RC3H2: variants seen among roughly 807,000 people sequenced by gnomAD.
RC3H2 encodes the protein roquin-2.
Under a neutral mutation model 133.3 loss-of-function variants are expected in RC3H2, and 31 were observed. The observed-to-expected ratio is 0.23, with a 90% CI of 0.17 to 0.31. RC3H2 has a LOEUF of 0.31. Ranked by LOEUF, RC3H2 falls within the 10% of genes least tolerant of loss-of-function variation. The pLI is 1.00. For missense variants in RC3H2, 1,175 were observed against 1,437.2 expected, an observed-to-expected ratio of 0.82 and a Z score of 2.95; for synonymous variants, 517 against 502.2, an observed-to-expected ratio of 1.03 and a Z score of -0.40.
chr9:122,905,268 C>G lies in RC3H2; in HGVS notation c.-226G>C. The G allele has an allele frequency of 1.0e-6, 1 of 985,852 alleles. No individual in the cohort carries two copies. Among genetic ancestry groups the G allele is most frequent in the Non-Finnish European group, 1.2e-6 (1 of 830,214 alleles). 61.1% of individuals were successfully genotyped at this position (985,852 alleles called of 1,614,324 possible). A position where few individuals can be genotyped will look rare whatever the true frequency, so the allele number is the denominator to read the frequency against. On this transcript the variant is annotated 5_prime_UTR_variant, in exon 1 of 21. Transcript: ENST00000357244. ...GCTACAGGGACAGCCCCGTTGGCGG[C>G]GGCGAAGGCCGCGACGGGGCCTCCT...
chr9:122,886,461 T>C lies in RC3H2; in HGVS notation c.584-3082A>G, dbSNP rs547972641. On this transcript the variant is annotated intron_variant, in intron 4 of 20. Transcript: ENST00000357244. ...GGGTCATATGGTAATTGTTTAACTTTTTAAGGAACTGACAAATTGTTTTCC... is the reference window on the plus strand; with the variant it reads ...GGGTCATATGGTAATTGTTTAACTTCTTAAGGAACTGACAAATTGTTTTCC... 1.9e-4 allele frequency among the ~76,000 whole-genome samples: 29 copies of C among 152,348 alleles called. No individual in the cohort carries two copies. The South Asian group carries it at 5.6e-3, about 29-fold the overall frequency.
intron 18 of RC3H2, chr9:122,853,679 G>T: frequency 1.4e-6 from 1 of 738,960 alleles, no homozygotes; most frequent in Non-Finnish European, 2.1e-6. Context: ...TTGAACCTGA[G>T]AGCCAGAGGC....
intron 4 of RC3H2, among the ~76,000 whole-genome samples, chr9:122,883,960 T>A (rs2131469065): frequency 6.6e-6 from 1 of 152,268 alleles, no homozygotes; most frequent in East Asian, 1.9e-4. Flanking sequence ...ATCACTGCAC[T>A]CCAGCCTGGG....
rs1262319009 is a variant in RC3H2 at position 122,883,079 on chromosome 9, G to T, written c.759+125C>A. The T allele has an allele frequency of 3.5e-6, 3 of 860,010 alleles. No individual in the cohort carries two copies. In the Admixed American group the frequency reaches 8.5e-5, roughly 24 times the overall value. The allele number at this position is 860,010 out of a possible 1,614,324, so 53.3% of individuals were successfully genotyped here. On this transcript the variant is annotated intron_variant, in intron 5 of 20. Transcript: ENST00000357244. ...ATCACAGATGCAATCAATGCAGAAG[G>T]AAAGTTTCCTCTCAACTCTTGTAAG... is the stretch of plus-strand genomic sequence containing the variant.
rs1437653350 is a variant in RC3H2 at position 122,858,835 on chromosome 9, T to C, written c.2117A>G (p.Tyr706Cys). ...DSRRIWRPPMYQRDDIIRSNS... is the reference protein window; with the variant it reads ...DSRRIWRPPMCQRDDIIRSNS... ...GCTTCTAATAATGTCATCTCGTTGG[T>C]ACATAGGTGGGCGCCAGATGCGCCT... Residue 706 changes from tyrosine (Y) to cysteine (C), a missense_variant, in exon 12 of 21, where the codon TAC (tyrosine) becomes TGC (cysteine). This residue lies in a region of RC3H2 where 490 missense variants were observed against 492.8 expected (regional missense o/e 0.99). Transcript: ENST00000357244. 1 of 1,614,156 alleles carries C rather than the reference T, an allele frequency of 6.2e-7. No homozygotes were observed. Among genetic ancestry groups the C allele is most frequent in the Non-Finnish European group, 8.5e-7 (1 of 1,180,056 alleles).
chr9:122,850,012 C>T lies in RC3H2; in HGVS notation c.3381-190G>A, dbSNP rs1244834962. Among the ~76,000 whole-genome samples the T allele has an allele frequency of 2.0e-5, 3 of 152,106 alleles. 1 individual carries two copies. The highest frequency in any genetic ancestry group is 4.4e-5 in the Non-Finnish European group (3 of 68,022). On this transcript the variant is annotated intron_variant, in intron 20 of 20. Coordinates refer to ENST00000357244, the MANE Select transcript of RC3H2 (RefSeq NM_001100588.3). ...CTATTTTTGAGACAGAGTCTCCCTC[C>T]GTCGCCCAGGCTGGAGTGCAGTGGC...
In RC3H2 at chr9:122,859,994, G is replaced by A. The variant is rs368437387; in HGVS notation, c.1772C>T (p.Pro591Leu). 2.5e-5 allele frequency: 40 copies of A among 1,613,910 alleles called. No homozygotes were observed. The highest frequency in any genetic ancestry group is 6.7e-5 in the African/African-American group (5 of 74,898). ...AAAATACTGAATGTTTTCAGAATGC[G>A]GAGGATATACTGGTACTCTAGTTAG... Reference protein sequence around the residue: ...PFLTRVPVYPPHSENIQYFQD... With the variant: ...PFLTRVPVYPLHSENIQYFQD... The change falls in exon 11 of 21, where the codon CCG (proline) becomes CTG (leucine). Residue 591 changes from proline to leucine, a missense_variant. Physicochemically the swap from Pro to Leu is moderately conservative, Grantham distance 98. This residue lies in a region of RC3H2 where 490 missense variants were observed against 492.8 expected (regional missense o/e 0.99). Coordinates refer to ENST00000357244, the MANE Select transcript of RC3H2 (RefSeq NM_001100588.3).
chr9:122,855,466 C>T, intron 14 of RC3H2, 69 bp from the exon 15 acceptor site: 2 of 1,405,816 alleles, frequency 1.4e-6, no homozygotes, highest in Non-Finnish European at 1.0e-6. Flanking sequence ...TATATGCTAT[C>T]AAAAGACATG....
At chr9:122,890,138 C>T (rs923921132) in intron 4 of RC3H2, 174 bp downstream of exon 4, 1 of 640,452 alleles carries the variant, frequency 1.6e-6, no homozygotes, top group Non-Finnish European at 2.7e-6. Context: ...GAGACCCTGT[C>T]TCAAACAAAA....
At chr9:122,880,369 T>G (rs1386688358) in intron 6 of RC3H2, 2 of 731,108 alleles carry the variant, frequency 2.7e-6, no homozygotes, top group Admixed American at 4.4e-5. Context: ...ATTTGAGACT[T>G]TGTAAGCCTC....
At chr9:122,853,841 TCATC>T in intron 18 of RC3H2, 107 bp downstream of exon 18, 1 of 1,583,668 alleles carries the variant, frequency 6.3e-7, no homozygotes, top group Non-Finnish European at 8.6e-7. Context: ...AAGCAATCAA[TCATC>T]CATCAGAGAT....
Position 122,848,846 on chromosome 9 carries a change from A to C in RC3H2, c.*781T>G, listed in dbSNP as rs1292582534. 1 of 152,220 alleles carries C rather than the reference A, an allele frequency of 6.6e-6. No homozygotes were observed. The highest frequency in any genetic ancestry group is 1.5e-5 in the Non-Finnish European group (1 of 68,016). 9.4% of individuals were successfully genotyped at this position (152,220 alleles called of 1,614,324 possible). On this transcript the variant is annotated 3_prime_UTR_variant, in exon 21 of 21. Transcript: ENST00000357244. ...ATCAAAATTGTAAAAACGATTCTGCATAACTTAGGAGAATTTAATATCTAG... is the reference window on the plus strand; with the variant it reads ...ATCAAAATTGTAAAAACGATTCTGCCTAACTTAGGAGAATTTAATATCTAG...
intron 5 of RC3H2, among the ~76,000 whole-genome samples, chr9:122,882,702 AAAC>A (rs1461479486): frequency 6.6e-6 from 1 of 152,194 alleles, no homozygotes; most frequent in Non-Finnish European, 1.5e-5. Flanking sequence ...ACTAAACAAA[AAAC>A]AACATCTAAA....
Position 122,883,438 on chromosome 9 carries a change from T to G in RC3H2, c.584-59A>C, listed in dbSNP as rs1831736954. ...AATGAGGAACCCATCAGATCATGTG[T>G]GTCATAGGCATCTTTGGGTATTAGA... On this transcript the variant is annotated intron_variant, in intron 4 of 20. Coordinates refer to ENST00000357244, the MANE Select transcript of RC3H2 (RefSeq NM_001100588.3). 2.9e-6 allele frequency: 4 copies of G among 1,366,830 alleles called. No homozygotes were observed. The Admixed American group carries it at 9.9e-5, about 34-fold the overall frequency. 84.7% of individuals were successfully genotyped at this position (1,366,830 alleles called of 1,614,324 possible).
At position 122,849,540 on chromosome 9, in the gene RC3H2, T is replaced by G. The variant is rs1829940691; in HGVS notation, c.*87A>C. 1 of 476,000 alleles carries G rather than the reference T, an allele frequency of 2.1e-6. No homozygotes were observed. The highest frequency in any genetic ancestry group is 8.9e-5 in the South Asian group (1 of 11,276). 29.5% of individuals were successfully genotyped at this position (476,000 alleles called of 1,614,324 possible). A position where few individuals can be genotyped will look rare whatever the true frequency, so the allele number is the denominator to read the frequency against. On this transcript the variant is annotated 3_prime_UTR_variant, in exon 21 of 21. Coordinates refer to ENST00000357244, the MANE Select transcript of RC3H2 (RefSeq NM_001100588.3). ...TAATATCTTTTTTTTAAAAAAAATA[T>G]ACATTATATAATATATATTATATAT...
In RC3H2 at chr9:122,905,191, C is replaced by G. The variant is rs2131521417; in HGVS notation, c.-149G>C. 1.0e-6 allele frequency: 1 copy of G among 985,484 alleles called. No homozygotes were observed. Among genetic ancestry groups the G allele is most frequent in the South Asian group, 4.7e-5 (1 of 21,296 alleles). 61.0% of individuals were successfully genotyped at this position (985,484 alleles called of 1,614,324 possible). A position where few individuals can be genotyped will look rare whatever the true frequency, so the allele number is the denominator to read the frequency against. On this transcript the variant is annotated 5_prime_UTR_variant, in exon 1 of 21. Transcript: ENST00000357244. ...CGGCTTGGCGACGGAGGCGCCTCGT[C>G]TCGCCGGGGCAGAGCTCGGCGGAGG...
chr9:122,853,002 T>C (rs1830109951), intron 18 of RC3H2, among the ~76,000 whole-genome samples: 1 of 152,264 alleles, frequency 6.6e-6, no homozygotes. Context: ...TAGAAAGAAG[T>C]AGACATGGGA....
intron 9 of RC3H2, chr9:122,874,270 T>G (rs1320722699): frequency 1.3e-5 from 2 of 151,944 alleles, no homozygotes; most frequent in Non-Finnish European, 2.9e-5. Flanking sequence ...GAGGATAAAA[T>G]CAGGATGAGA....
chr9:122,860,026 G>A lies in RC3H2; in HGVS notation c.1740C>T (p.Ser580=). Residue 580 remains serine, a synonymous_variant, in exon 11 of 21, where the codon AGC becomes AGT. Coordinates refer to ENST00000357244, the MANE Select transcript of RC3H2 (RefSeq NM_001100588.3). ...ATACTGGTACTCTAGTTAGAAATGG[G>A]CTGGATTTTTGAGGCACAGAATTCA... ...TELNSVPQKS[S]PFLTRVPVYP... 6.2e-7 allele frequency: 1 copy of A among 1,614,004 alleles called. No individual in the cohort carries two copies. The highest frequency in any genetic ancestry group is 1.3e-5 in the African/African-American group (1 of 74,998).
Sources: allele counts gnomAD v4.1 joint callset (sites outside exome capture counted in the v4.1 genomes callset), GRCh38; gene constraint gnomAD v4.1.1; regional missense constraint gnomAD v4.1.1; transcripts MANE v1.5; gene names NCBI Gene and HGNC (gene_info 2026-07-23, HGNC 2026-07-21).